SH3GLB1: variants seen among roughly 807,000 people sequenced by gnomAD.
SH3GLB1 encodes endophilin-B1.
Under a neutral mutation model 42.0 loss-of-function variants are expected in SH3GLB1, and 17 were observed. The observed-to-expected ratio is 0.40, with a 90% CI of 0.28 to 0.61. The LOEUF is 0.61. SH3GLB1 is among the 20% of genes least tolerant of loss of function. The pLI, the probability that SH3GLB1 is intolerant of heterozygous loss-of-function variation, is 0.36. For synonymous variants in SH3GLB1, 132 were observed against 146.6 expected, an observed-to-expected ratio of 0.90 and a Z score of 0.72; for missense variants, 355 against 426.3, an observed-to-expected ratio of 0.83 and a Z score of 1.47.
intron 7 of SH3GLB1, among the ~76,000 whole-genome samples, chr1:86,737,291 A>G (rs2101981618): frequency 6.6e-6 from 1 of 152,316 alleles, no homozygotes; most frequent in East Asian, 1.9e-4. Flanking sequence ...GAAGGTAAAA[A>G]TGGCCTTTCA....
chr1:86,717,773 C>G (rs933587990), intron 2 of SH3GLB1, among the ~76,000 whole-genome samples: 2 of 152,118 alleles, frequency 1.3e-5, no homozygotes, highest in African/African-American at 4.8e-5. Context: ...ACCTAACACT[C>G]CTTTTCTTGT....
intron 5 of SH3GLB1, chr1:86,728,393 T>G (rs760780760): frequency 2.0e-6 from 3 of 1,499,710 alleles, no homozygotes; most frequent in Admixed American, 2.0e-5. Flanking sequence ...TCTCTTACTA[T>G]GCACTTAAGC....
In SH3GLB1 at chr1:86,704,797, A is replaced by C. The variant is rs957222396; in HGVS notation, c.-103A>C. Reference sequence around the variant, plus strand: ...GGGCTGGCGCCGCCTCCCTCCACCTACCACGTCTGCCCTCGCCGCTCTAGC... The same window carrying C: ...GGGCTGGCGCCGCCTCCCTCCACCTCCCACGTCTGCCCTCGCCGCTCTAGC... On this transcript the variant is annotated 5_prime_UTR_variant, in exon 1 of 9. Coordinates refer to ENST00000370558, the MANE Select transcript of SH3GLB1 (RefSeq NM_016009.5). 1.1e-5 allele frequency: 7 copies of C among 622,486 alleles called. No individual in the cohort carries two copies. The African/African-American group carries it at 1.4e-4, about 12-fold the overall frequency. The allele number at this position is 622,486 out of a possible 1,614,324, so 38.6% of individuals were successfully genotyped here.
chr1:86,728,598 A>G (rs1457229059), intron 5 of SH3GLB1: 3 of 561,338 alleles, frequency 5.3e-6, no homozygotes, highest in Non-Finnish European at 9.0e-6. Flanking sequence ...TTTATCTTTA[A>G]CAACAAAAAT....
chr1:86,718,004 G>A (rs1381099894), intron 2 of SH3GLB1, among the ~76,000 whole-genome samples: 4 of 151,342 alleles, frequency 2.6e-5, no homozygotes, highest in South Asian at 2.1e-4. Context: ...AGGTGGAAAA[G>A]CAGTCAAAAT....
intron 5 of SH3GLB1, among the ~76,000 whole-genome samples, chr1:86,733,852 A>G (rs1158204270): frequency 1.3e-5 from 2 of 152,132 alleles, no homozygotes; most frequent in Non-Finnish European, 2.9e-5. Flanking sequence ...GAGTATTTAT[A>G]TCATGAAAAT....
intron 7 of SH3GLB1, among the ~76,000 whole-genome samples, chr1:86,741,328 A>G (rs1570301526): frequency 6.6e-6 from 1 of 152,182 alleles, no homozygotes; most frequent in Non-Finnish European, 1.5e-5. Context: ...ATTTTTGTAG[A>G]TCATTTTTTA....
rs1165438979 is a variant in SH3GLB1 at position 86,724,874 on chromosome 1, TA to T, written c.570+488del. 2.3e-3 allele frequency among the ~76,000 whole-genome samples: 227 copies of T among 97,908 alleles called. 2 individuals are homozygous for T. Among genetic ancestry groups the T allele is most frequent in the East Asian group, 7.0e-3 (28 of 4,016 alleles). 64.2% of individuals were successfully genotyped at this position (97,908 alleles called of 152,430 possible). A position where few individuals can be genotyped will look rare whatever the true frequency, so the allele number is the denominator to read the frequency against. On this transcript the variant is annotated intron_variant, in intron 5 of 8. Coordinates refer to ENST00000370558, the MANE Select transcript of SH3GLB1 (RefSeq NM_016009.5). ...GGGCAACAGAGCCAGACCCTGTCTTTAAAAAAAAAAAAAAAAAAATATATAT... is the reference window on the plus strand; with the variant it reads ...GGGCAACAGAGCCAGACCCTGTCTTTAAAAAAAAAAAAAAAAAATATATAT...
intron 5 of SH3GLB1, among the ~76,000 whole-genome samples, chr1:86,725,900 T>C (rs1480208219): frequency 1.3e-5 from 2 of 152,126 alleles, no homozygotes; most frequent in Non-Finnish European, 2.9e-5. Flanking sequence ...AGACATTAAT[T>C]CCAAATTTAC....
intron 1 of SH3GLB1, among the ~76,000 whole-genome samples, chr1:86,710,156 T>C (rs1654116388): frequency 6.6e-6 from 1 of 152,262 alleles, no homozygotes; most frequent in Non-Finnish European, 1.5e-5. Flanking sequence ...GTAAAATAGA[T>C]AGAAGATAGT....
At chr1:86,720,559 A>G (rs534688502) in intron 3 of SH3GLB1, among the ~76,000 whole-genome samples, 3 of 152,160 alleles carry the variant, frequency 2.0e-5, no homozygotes, top group African/African-American at 4.8e-5. Context: ...TTGTCACTCT[A>G]ATTTTCTCAT....
intron 3 of SH3GLB1, among the ~76,000 whole-genome samples, chr1:86,719,995 CAAAAAAAAAAAA>C (rs570115346): frequency 4.8e-5 from 3 of 62,426 alleles, no homozygotes; most frequent in South Asian, 6.2e-4. Flanking sequence ...GACTCTGTCT[CAAAAAAAAAAAA>C]AAAAAAAAAA....
intron 4 of SH3GLB1, among the ~76,000 whole-genome samples, chr1:86,722,894 A>T (rs1006985749): frequency 6.6e-6 from 1 of 152,188 alleles, no homozygotes; most frequent in African/African-American, 2.4e-5. Flanking sequence ...AGATGCCTTT[A>T]TCCCTTTTCA....
At chr1:86,722,392 C>G (rs1440975830) in intron 3 of SH3GLB1, 148 bp from the exon 4 acceptor site, 1 of 606,576 alleles carries the variant, frequency 1.6e-6, no homozygotes, top group Admixed American at 3.5e-5. Context: ...ATAAAACTAC[C>G]TTAATTACAG....
chr1:86,722,775 T>TA (rs1654939713), intron 4 of SH3GLB1, 102 bp downstream of exon 4: 1 of 951,506 alleles, frequency 1.1e-6, no homozygotes, highest in South Asian at 2.2e-5. Flanking sequence ...TGTAGTGGAT[T>TA]ACAAAATTAA....
intron 3 of SH3GLB1, 129 bp from the exon 4 acceptor site, chr1:86,722,411 A>G (rs1017285742): frequency 2.8e-6 from 2 of 722,420 alleles, no homozygotes; most frequent in South Asian, 2.3e-5. Flanking sequence ...AGTTAATTCT[A>G]TTTGGTTTTA....
At chr1:86,739,331 G>C (rs1212950898) in intron 7 of SH3GLB1, among the ~76,000 whole-genome samples, 2 of 152,164 alleles carry the variant, frequency 1.3e-5, no homozygotes, top group Non-Finnish European at 2.9e-5. Context: ...AGATGATAAC[G>C]AGTGAGGCAG....
intron 1 of SH3GLB1, among the ~76,000 whole-genome samples, chr1:86,714,283 T>A (rs903601746): frequency 6.6e-6 from 1 of 152,228 alleles, no homozygotes; most frequent in African/African-American, 2.4e-5. Context: ...TACGGGGTTC[T>A]CTGTTAAGAA....
At chr1:86,707,644 ATTTTTTTTTTTT>A (rs948807467) in intron 1 of SH3GLB1, among the ~76,000 whole-genome samples, 11 of 116,522 alleles carry the variant, frequency 9.4e-5, no homozygotes, top group Admixed American at 2.6e-4. Flanking sequence ...TTTACAGGGT[ATTTTTTTTTTTT>A]TTTTTTTTTG....
Sources: allele counts gnomAD v4.1 joint callset (sites outside exome capture counted in the v4.1 genomes callset), GRCh38; gene constraint gnomAD v4.1.1; transcripts MANE v1.5; gene names NCBI Gene and HGNC (gene_info 2026-07-23, HGNC 2026-07-21).